The following RIMS2 variants were observed in gnomAD, a reference collection of about 807,000 sequenced individuals.
RIMS2 encodes regulating synaptic membrane exocytosis protein 2.
RIMS2 carries 59 observed loss-of-function variants against 174.4 expected under a neutral mutation model. The ratio of observed to expected loss-of-function variants is 0.34; its 90% confidence interval spans 0.27 to 0.42. RIMS2 has a LOEUF of 0.42. Ranked by LOEUF, RIMS2 falls within the 10% of genes least tolerant of loss-of-function variation. The probability of loss-of-function intolerance (pLI) is 1.00; values close to 1 mark genes in which losing one functional copy is unlikely to be tolerated. For synonymous variants in RIMS2, 606 were observed against 572.5 expected (o/e 1.06, Z -0.84); for missense variants, 1,620 against 1,666.3 (o/e 0.97, Z 0.48).
At chr8:103,672,955 G>A (rs2096763647) in intron 1 of RIMS2, among the ~76,000 whole-genome samples, 1 of 152,168 alleles carries the variant, frequency 6.6e-6, no homozygotes, top group Non-Finnish European at 1.5e-5. Context: ...AGTACAAGTG[G>A]GGTATAGGAA....
At chr8:103,614,357 T>C (rs1032767707) in intron 1 of RIMS2, among the ~76,000 whole-genome samples, 3 of 152,244 alleles carry the variant, frequency 2.0e-5, no homozygotes, top group Non-Finnish European at 2.9e-5. Context: ...GTCACTATGC[T>C]CTCCCTTCCC....
intron 3 of RIMS2, among the ~76,000 whole-genome samples, chr8:103,821,023 T>C (rs1233356752): frequency 1.3e-5 from 2 of 151,606 alleles, no homozygotes; most frequent in South Asian, 4.1e-4. Context: ...CTTTTCCTTG[T>C]TTTAGTTCCA....
intron 6 of RIMS2, among the ~76,000 whole-genome samples, chr8:103,912,422 T>C (rs1430554197): frequency 2.6e-5 from 4 of 152,322 alleles, no homozygotes; most frequent in East Asian, 1.9e-4. Context: ...AATTAAGATC[T>C]ACTTGAATCT....
At chr8:103,669,566 G>A (rs6991695) in intron 1 of RIMS2, among the ~76,000 whole-genome samples, 26,914 of 152,192 alleles carry the variant, frequency 0.18, 2,588 homozygotes, top group African/African-American at 0.24. Context: ...CCTAGATACA[G>A]TGGGAGTATA....
At chr8:103,566,058 A>G (rs1226544612) in intron 1 of RIMS2, among the ~76,000 whole-genome samples, 4 of 152,204 alleles carry the variant, frequency 2.6e-5, no homozygotes, top group African/African-American at 7.2e-5. Flanking sequence ...GAGTTTTATA[A>G]CAAACATAGG....
At chr8:103,569,528 T>G (rs980156289) in intron 1 of RIMS2, among the ~76,000 whole-genome samples, 1 of 152,184 alleles carries the variant, frequency 6.6e-6, no homozygotes, top group African/African-American at 2.4e-5. Context: ...TCTTCTTTAA[T>G]TTTTTCCCAA....
intron 3 of RIMS2, among the ~76,000 whole-genome samples, chr8:103,808,970 T>G (rs111921234): frequency 1.3e-5 from 2 of 152,178 alleles, no homozygotes; most frequent in African/African-American, 4.8e-5. Flanking sequence ...ACTTGATATA[T>G]CTGTTGACTC....
chr8:103,551,163 C>T lies in RIMS2; in HGVS notation c.176+50101C>T, dbSNP rs538747449. Among the ~76,000 whole-genome samples the T allele has an allele frequency of 1.5e-3, 223 of 152,278 alleles. 2 individuals are homozygous for T. The highest frequency in any genetic ancestry group is 4.8e-3 in the African/African-American group (201 of 41,556). On this transcript the variant is annotated intron_variant, in intron 1 of 23. Coordinates refer to ENST00000504942, the Ensembl canonical transcript of RIMS2. ...ACAACAAAAAAAAGAGAATTTTAGA[C>T]CAATATCCCTCATGAACATCGATGC... is the stretch of plus-strand genomic sequence containing the variant.
At chr8:104,186,011 G>A (rs1158937799) in intron 19 of RIMS2, among the ~76,000 whole-genome samples, 1 of 151,484 alleles carries the variant, frequency 6.6e-6, no homozygotes. Flanking sequence ...TAGATAAAAT[G>A]TGATATATAT....
intron 2 of RIMS2, among the ~76,000 whole-genome samples, chr8:103,732,327 G>C (rs2097610759): frequency 6.6e-6 from 1 of 152,266 alleles, no homozygotes; most frequent in South Asian, 2.1e-4. Flanking sequence ...AGCTGCCTGG[G>C]GTTGTGGGAG....
intron 3 of RIMS2, among the ~76,000 whole-genome samples, chr8:103,817,349 G>A (rs893501210): frequency 2.0e-5 from 3 of 152,204 alleles, no homozygotes; most frequent in African/African-American, 7.2e-5. Context: ...GTGTGTGCAT[G>A]TGCACATGTA....
At chr8:104,044,030 C>A (rs2096651865) in intron 19 of RIMS2, among the ~76,000 whole-genome samples, 1 of 151,616 alleles carries the variant, frequency 6.6e-6, no homozygotes, top group African/African-American at 2.4e-5. Context: ...GATTGTATAG[C>A]ATATATGTAA....
intron 19 of RIMS2, among the ~76,000 whole-genome samples, chr8:104,051,969 G>A (rs13270186): frequency 0.18 from 27,509 of 152,082 alleles, 2,787 homozygotes; most frequent in South Asian, 0.34. Context: ...TAACTGTGTA[G>A]TCTCTACAGC....
intron 1 of RIMS2, among the ~76,000 whole-genome samples, chr8:103,592,487 G>A (rs2133359691): frequency 6.6e-6 from 1 of 151,142 alleles, no homozygotes; most frequent in African/African-American, 2.4e-5. Flanking sequence ...ATCTAAATAT[G>A]TTTTCCCTTA....
rs1296375757 is a variant in RIMS2, at chr8:103,697,066, C to T, written c.177-20C>T. On this transcript the variant is annotated intron_variant, in intron 1 of 23. Transcript: ENST00000504942. ...GATCATCAGGAAACCAACTTTTTTT[C>T]TTATCTATTTTCTCTGCAGAAAACT... is the stretch of plus-strand genomic sequence containing the variant. 1.9e-6 allele frequency: 3 copies of T among 1,575,398 alleles called. No individual in the cohort carries two copies. Among genetic ancestry groups the T allele is most frequent in the Admixed American group, 1.7e-5 (1 of 58,536 alleles).
chr8:103,538,557 C>T (rs527657980), intron 1 of RIMS2, among the ~76,000 whole-genome samples: 54 of 151,432 alleles, frequency 3.6e-4, no homozygotes, highest in Non-Finnish European at 6.0e-4. Context: ...CGCTCTGTTG[C>T]CCAGGCTGGA....
intron 1 of RIMS2, among the ~76,000 whole-genome samples, chr8:103,533,494 C>G (rs1288704106): frequency 6.6e-6 from 1 of 151,328 alleles, no homozygotes; most frequent in African/African-American, 2.4e-5. Flanking sequence ...TTTGAGAAAA[C>G]ATTAATTTAG....
At chr8:103,610,206 G>T (rs536588097) in intron 1 of RIMS2, among the ~76,000 whole-genome samples, 129 of 152,258 alleles carry the variant, frequency 8.5e-4, no homozygotes, top group Non-Finnish European at 1.5e-3. Context: ...TGCTGAAGTT[G>T]TTTATCAGAC....
At chr8:104,129,477 T>C (rs1049322641) in intron 19 of RIMS2, among the ~76,000 whole-genome samples, 4 of 152,196 alleles carry the variant, frequency 2.6e-5, no homozygotes, top group Non-Finnish European at 4.4e-5. Context: ...GAGAGTATAA[T>C]CTAAACATAA....
Sources: gnomAD v4.1 joint callset for allele counts (sites outside exome capture counted in the v4.1 genomes callset) on GRCh38, gnomAD v4.1.1 for gene constraint, MANE v1.5 for transcripts, NCBI Gene and HGNC (gene_info 2026-07-23, HGNC 2026-07-21) for gene names.